Variants in SERPINF1 observed in about 807,000 individuals in gnomAD.
The protein encoded by SERPINF1 is serpin family F member 1, also known as pigment epithelium-derived factor.
A neutral mutation model predicts 37.3 loss-of-function variants in SERPINF1; 29 were observed. That is an observed-to-expected ratio of 0.78 (90% CI 0.58 to 1.06). The LOEUF is 1.06. SERPINF1 is among the 50% of genes least tolerant of loss of function. The pLI is 0.00. For synonymous variants in SERPINF1, 281 were observed against 227.9 expected (o/e 1.23, Z -2.10); for missense variants, 553 against 532.2 (o/e 1.04, Z -0.38).
intron 1 of SERPINF1, among the ~76,000 whole-genome samples, chr17:1,763,486 A>T (rs186703681): frequency 6.6e-6 from 1 of 152,276 alleles, no homozygotes; most frequent in East Asian, 1.9e-4. Flanking sequence ...ACAGGATGGC[A>T]TCATTGTCTG....
intron 6 of SERPINF1, 82 bp downstream of exon 6, chr17:1,775,282 C>T: frequency 7.1e-7 from 1 of 1,408,490 alleles, no homozygotes; most frequent in Non-Finnish European, 9.8e-7. Context: ...AATAAAATGA[C>T]CTTTGAGATC....
intron 2 of SERPINF1, among the ~76,000 whole-genome samples, chr17:1,767,316 A>T (rs951406359): frequency 1.9e-4 from 29 of 152,038 alleles, no homozygotes; most frequent in Non-Finnish European, 1.0e-4. Flanking sequence ...CTCATTTTGT[A>T]TTTTTAGTAG....
Position 1,771,065 on chromosome 17 carries a change from C to T in SERPINF1, c.320C>T (p.Ala107Val). 1 of 1,614,092 alleles carries T rather than the reference C, an allele frequency of 6.2e-7. No individual in the cohort carries two copies. Among genetic ancestry groups the T allele is most frequent in the Non-Finnish European group, 8.5e-7 (1 of 1,180,002 alleles). ...EQRTESIIHR[A>V]LYYDLISSPD... ...CGAACAGAATCCATCATTCACCGGG[C>T]TCTCTACTATGACTTGATCAGCAGC... The change falls in exon 4 of 8, where the codon GCT (alanine) becomes GTT (valine). Residue 107 changes from alanine to valine, a missense_variant. Transcript: ENST00000254722.
intron 5 of SERPINF1, among the ~76,000 whole-genome samples, chr17:1,772,724 A>G (rs1227368100): frequency 1.3e-5 from 2 of 148,934 alleles, no homozygotes; most frequent in African/African-American, 5.0e-5. Flanking sequence ...GCGCCCTACT[A>G]ATTTTTTGTA....
intron 1 of SERPINF1, among the ~76,000 whole-genome samples, chr17:1,762,565 C>T (rs745737379): frequency 6.6e-6 from 1 of 152,160 alleles, no homozygotes; most frequent in Non-Finnish European, 1.5e-5. Context: ...GCCCCTGCTC[C>T]CTCGGCTCCC....
intron 6 of SERPINF1, among the ~76,000 whole-genome samples, chr17:1,776,021 G>A (rs1908008347): frequency 1.3e-5 from 2 of 152,070 alleles, no homozygotes; most frequent in Non-Finnish European, 1.5e-5. Flanking sequence ...GAGACTCTTG[G>A]GATCCCTGAC....
chr17:1,768,650 T>A, intron 2 of SERPINF1, among the ~76,000 whole-genome samples: 1 of 150,496 alleles, frequency 6.6e-6, no homozygotes, highest in Admixed American at 6.6e-5. Context: ...ATTTTTTGGG[T>A]ATTTTTAGTA....
Position 1,771,177 on chromosome 17 carries a change from T to A in SERPINF1, c.432T>A (p.Phe144Leu). The A allele has an allele frequency of 6.2e-7, 1 of 1,613,584 alleles. No individual in the cohort carries two copies. Among genetic ancestry groups the A allele is most frequent in the Non-Finnish European group, 8.5e-7 (1 of 1,179,882 alleles). The change falls in exon 4 of 8, where the codon TTT (phenylalanine) becomes TTA (leucine). Residue 144 changes from phenylalanine (F) to leucine (L), a missense_variant. Physicochemically the swap from Phe to Leu is conservative, Grantham distance 22. Coordinates refer to ENST00000254722, the MANE Select transcript of SERPINF1 (RefSeq NM_002615.7). ...TCAAGAGTGCCTCCCGGATCGTCTT[T>A]GAGAAGAGTGAGTCGCCTTTGCAGC... ...KNLKSASRIV[F>L]EKKLRIKSSF...
At chr17:1,770,946 G>GTA (rs1907686827) in intron 3 of SERPINF1, 83 bp from the exon 4 acceptor site, 1 of 1,552,252 alleles carries the variant, frequency 6.4e-7, no homozygotes, top group African/African-American at 1.4e-5. Flanking sequence ...AAAAAGATGA[G>GTA]TATAGTGTCT....
At chr17:1,774,998 A>G (rs561073638) in intron 5 of SERPINF1, 60 bp from the exon 6 acceptor site, 2 of 1,607,618 alleles carry the variant, frequency 1.2e-6, no homozygotes, top group African/African-American at 2.7e-5. Flanking sequence ...GGGACACAGC[A>G]TGGCGCCACT....
intron 2 of SERPINF1, among the ~76,000 whole-genome samples, chr17:1,767,410 G>A (rs904176386): frequency 7.2e-5 from 11 of 152,190 alleles, no homozygotes; most frequent in African/African-American, 2.2e-4. Context: ...CCAAAGTGCC[G>A]GGATGACAGG....
chr17:1,775,070 C>T lies in SERPINF1; in HGVS notation c.656C>T (p.Thr219Ile). ...CACTTCTTTCCAGGGCAGTGGGTAA[C>T]AAAGTTTGACTCCAGAAAGACTTCC... ...GVAHFKGQWV[T>I]KFDSRKTSLE... The change falls in exon 6 of 8, where the codon ACA (threonine) becomes ATA (isoleucine). Residue 219 changes from threonine to isoleucine, a missense_variant. Physicochemically the swap from Thr to Ile is moderately conservative, Grantham distance 89. Transcript: ENST00000254722. The T allele has an allele frequency of 1.2e-6, 2 of 1,614,076 alleles. No individual in the cohort carries two copies. Among genetic ancestry groups the T allele is most frequent in the Non-Finnish European group, 1.7e-6 (2 of 1,180,030 alleles).
In SERPINF1 at chr17:1,769,270, A is replaced by G. The variant is rs999379249; in HGVS notation, c.85-582A>G. Among the ~76,000 whole-genome samples, 17 of 151,836 alleles carry G rather than the reference A, an allele frequency of 1.1e-4. No homozygotes were observed. The East Asian group carries it at 2.2e-3, about 19-fold the overall frequency. ...TAAAAATACAAAAAATTACCCAGGC[A>G]TGGTGGTGGGCGCCTGTAGTCCCAG... On this transcript the variant is annotated intron_variant, in intron 2 of 7. Transcript: ENST00000254722.
chr17:1,772,244 G>A (rs762192862), intron 5 of SERPINF1, among the ~76,000 whole-genome samples, 169 bp downstream of exon 5: 6 of 151,860 alleles, frequency 4.0e-5, no homozygotes, highest in South Asian at 2.1e-4. Flanking sequence ...AGCCTCCCGA[G>A]TAGCTGGGAT....
intron 3 of SERPINF1, among the ~76,000 whole-genome samples, chr17:1,770,299 G>C (rs1907650566): frequency 6.6e-6 from 1 of 152,170 alleles, no homozygotes; most frequent in African/African-American, 2.4e-5. Flanking sequence ...TATTGACACA[G>C]TGACTTCAAG....
intron 1 of SERPINF1, chr17:1,766,598 A>AAATG (rs910207157): frequency 1.1e-5 from 2 of 190,382 alleles, no homozygotes; most frequent in African/African-American, 4.7e-5. Context: ...ATAAATAAAT[A>AAATG]AAAGCTTTAG....
chr17:1,777,356 C>T lies in SERPINF1; in HGVS notation c.1167C>T (p.His389=). The T allele has an allele frequency of 6.2e-7, 1 of 1,614,132 alleles. No individual in the cohort carries two copies. The highest frequency in any genetic ancestry group is 8.5e-7 in the Non-Finnish European group (1 of 1,180,032). ...PAHLTFPLDY[H]LNQPFIFVLR... ...ACCTCACCTTCCCGCTGGACTATCA[C>T]CTTAACCAGCCTTTCATCTTCGTAC... Residue 389 remains histidine (H), a synonymous_variant, in exon 8 of 8, where the codon CAC becomes CAT. Coordinates refer to ENST00000254722, the MANE Select transcript of SERPINF1 (RefSeq NM_002615.7).
chr17:1,772,506 C>T (rs984937714), intron 5 of SERPINF1, among the ~76,000 whole-genome samples: 12 of 152,154 alleles, frequency 7.9e-5, no homozygotes, highest in African/African-American at 1.7e-4. Context: ...CCACCTTGGC[C>T]TCCCAAAGTG....
chr17:1,771,005 C>T (rs189450946), intron 3 of SERPINF1, 24 bp from the exon 4 acceptor site: 27 of 1,613,664 alleles, frequency 1.7e-5, no homozygotes, highest in Middle Eastern at 3.3e-4. Context: ...CAGTTATCAA[C>T]GTCCACATCC....
Sources: allele counts gnomAD v4.1 joint callset (sites outside exome capture counted in the v4.1 genomes callset), GRCh38; gene constraint gnomAD v4.1.1; transcripts MANE v1.5; gene names NCBI Gene and HGNC (gene_info 2026-07-23, HGNC 2026-07-21).